The following NRXN3 variants were observed in gnomAD, a reference collection of about 807,000 sequenced individuals.
NRXN3 encodes the protein neurexin 3.
Under a neutral mutation model 137.6 loss-of-function variants are expected in NRXN3, and 32 were observed. The observed-to-expected ratio is 0.23, with a 90% CI of 0.18 to 0.31. NRXN3 has a LOEUF of 0.31. Ranked by LOEUF, NRXN3 falls within the 10% of genes least tolerant of loss-of-function variation. The pLI, the probability that NRXN3 is intolerant of heterozygous loss-of-function variation, is 1.00. For synonymous variants in NRXN3, 798 were observed against 784.5 expected (o/e 1.02, Z -0.29); for missense variants, 1,574 against 2,062.5 (o/e 0.76, Z 4.59).
At chr14:78,252,813 T>C (rs2068853249) in intron 2 of NRXN3, among the ~76,000 whole-genome samples, 1 of 152,218 alleles carries the variant, frequency 6.6e-6, no homozygotes. Context: ...GCTTATTTAC[T>C]TAATAGGTTG....
chr14:79,118,576 G>A (rs955302186), intron 15 of NRXN3, among the ~76,000 whole-genome samples: 2 of 152,234 alleles, frequency 1.3e-5, no homozygotes, highest in Non-Finnish European at 2.9e-5. Context: ...GTGGCAACAT[G>A]CAGGCAAGCC....
intron 4 of NRXN3, among the ~76,000 whole-genome samples, chr14:78,633,155 T>G (rs2097536561): frequency 6.8e-6 from 1 of 147,406 alleles, no homozygotes; most frequent in African/African-American, 2.5e-5. Context: ...CTCGGGAGGC[T>G]GAGGCAGGAG....
chr14:79,163,665 C>G (rs922675303), intron 15 of NRXN3, among the ~76,000 whole-genome samples: 10 of 151,744 alleles, frequency 6.6e-5, no homozygotes, highest in Non-Finnish European at 1.5e-5. Context: ...GCAAATGTCC[C>G]CTGGTATAAG....
At chr14:78,383,480 A>G (rs960328335) in intron 4 of NRXN3, among the ~76,000 whole-genome samples, 4 of 152,148 alleles carry the variant, frequency 2.6e-5, no homozygotes, top group African/African-American at 9.7e-5. Context: ...ATCTCATTAT[A>G]TCTATTTATC....
At chr14:79,769,374 A>G (rs1418051783) in intron 19 of NRXN3, among the ~76,000 whole-genome samples, 1 of 151,864 alleles carries the variant, frequency 6.6e-6, no homozygotes, top group Non-Finnish European at 1.5e-5. Flanking sequence ...AGCCAGAGAG[A>G]AAGGTCGGGT....
At chr14:78,929,675 A>T (rs973281050) in intron 10 of NRXN3, among the ~76,000 whole-genome samples, 2 of 152,146 alleles carry the variant, frequency 1.3e-5, no homozygotes, top group African/African-American at 4.8e-5. Flanking sequence ...GTGTCTTTAT[A>T]ATAGGATGAT....
chr14:78,651,699 A>G (rs917162995), intron 6 of NRXN3, among the ~76,000 whole-genome samples: 1 of 152,226 alleles, frequency 6.6e-6, no homozygotes, highest in African/African-American at 2.4e-5. Context: ...GCAGGGAAGA[A>G]AAACTTGTGC....
chr14:79,376,347 T>A (rs2153446433), intron 15 of NRXN3, among the ~76,000 whole-genome samples: 1 of 150,422 alleles, frequency 6.6e-6, no homozygotes, highest in Admixed American at 6.6e-5. Flanking sequence ...AATGTATATA[T>A]CATGTGAATA....
intron 15 of NRXN3, among the ~76,000 whole-genome samples, chr14:79,307,792 C>T (rs1196704987): frequency 6.6e-6 from 1 of 151,848 alleles, no homozygotes; most frequent in East Asian, 1.9e-4. Context: ...TTCTCTCTTT[C>T]TTTATTTTTT....
At chr14:78,731,391 T>A (rs2098514675) in intron 8 of NRXN3, among the ~76,000 whole-genome samples, 1 of 152,166 alleles carries the variant, frequency 6.6e-6, no homozygotes. Context: ...ATATATTTAC[T>A]GTAGAAAATT....
chr14:79,498,425 G>A (rs189536347), intron 16 of NRXN3, among the ~76,000 whole-genome samples: 8 of 152,292 alleles, frequency 5.3e-5, no homozygotes, highest in South Asian at 2.1e-4. Flanking sequence ...GAGACTGCCC[G>A]TGTGAAGAGC....
Position 79,610,708 on chromosome 14 carries a change from T to C in NRXN3, c.3445-53070T>C, listed in dbSNP as rs920954286. 5.3e-5 allele frequency among the ~76,000 whole-genome samples: 8 copies of C among 152,226 alleles called. No individual in the cohort carries two copies. In the East Asian group the frequency reaches 1.5e-3, roughly 29 times the overall value. The stretch of plus-strand genomic sequence containing the variant: ...GTTACGTGAGTTTTTCCCCAAAGAC[T>C]CATGCCCTTTTTTAGGAGGCAAACT... On this transcript the variant is annotated intron_variant, in intron 16 of 20. Coordinates refer to ENST00000335750, the MANE Select transcript of NRXN3 (RefSeq NM_001330195.2).
chr14:79,050,654 G>A (rs901529836), intron 15 of NRXN3, among the ~76,000 whole-genome samples: 7 of 152,180 alleles, frequency 4.6e-5, no homozygotes, highest in Non-Finnish European at 1.0e-4. Context: ...GCCGGTTGTA[G>A]CTCAGTCATT....
intron 15 of NRXN3, among the ~76,000 whole-genome samples, chr14:79,445,591 T>C (rs756690851): frequency 6.6e-5 from 10 of 152,212 alleles, no homozygotes; most frequent in Non-Finnish European, 1.5e-4. Flanking sequence ...CTTTTGATTG[T>C]GGTCAAGAAA....
At chr14:79,810,786 T>C (rs980067881) in intron 20 of NRXN3, among the ~76,000 whole-genome samples, 2 of 152,232 alleles carry the variant, frequency 1.3e-5, no homozygotes, top group Admixed American at 1.3e-4. Context: ...ATCATTTTAC[T>C]TTTTATTTGC....
chr14:79,494,593 G>T (rs2096748937), intron 16 of NRXN3, among the ~76,000 whole-genome samples: 1 of 152,094 alleles, frequency 6.6e-6, no homozygotes, highest in Non-Finnish European at 1.5e-5. Flanking sequence ...AGGGGTTGCA[G>T]TTGCCCTTTT....
chr14:78,700,867 G>T (rs1357080328), intron 6 of NRXN3, among the ~76,000 whole-genome samples: 2 of 152,020 alleles, frequency 1.3e-5, no homozygotes, highest in African/African-American at 4.8e-5. Flanking sequence ...TGCCACCTGG[G>T]TTCAAGCGAT....
At chr14:78,521,690 A>T (rs1262431783) in intron 4 of NRXN3, among the ~76,000 whole-genome samples, 1 of 152,156 alleles carries the variant, frequency 6.6e-6, no homozygotes, top group Non-Finnish European at 1.5e-5. Flanking sequence ...TAAAAACCTT[A>T]ATTTCAGTGA....
chr14:78,809,459 C>T (rs755439441), intron 9 of NRXN3, among the ~76,000 whole-genome samples: 28 of 152,114 alleles, frequency 1.8e-4, no homozygotes, highest in African/African-American at 2.7e-4. Flanking sequence ...ATGGGCTGCG[C>T]GAGGGGGTTG....
Sources: gnomAD v4.1 joint callset for allele counts (sites outside exome capture counted in the v4.1 genomes callset) on GRCh38, gnomAD v4.1.1 for gene constraint, MANE v1.5 for transcripts, NCBI Gene and HGNC (gene_info 2026-07-23, HGNC 2026-07-21) for gene names.